GREB1: variants seen among roughly 807,000 people sequenced by gnomAD.
GREB1 encodes the protein protein GREB1.
In GREB1, 106 loss-of-function variants were observed where a neutral mutation model predicts 200.7. The observed-to-expected ratio is 0.53, with a 90% CI of 0.45 to 0.62. The LOEUF is 0.62. GREB1 is among the 20% of genes least tolerant of loss of function. The pLI, the probability that GREB1 is intolerant of heterozygous loss-of-function variation, is 0.00. For synonymous variants in GREB1, 1,132 were observed against 1,092.4 expected (o/e 1.04, Z -0.72); for missense variants, 2,243 against 2,556.8 (o/e 0.88, Z 2.65).
intron 18 of GREB1, chr2:11,612,293 C>T (rs1683007279): frequency 7.8e-7 from 1 of 1,287,138 alleles, no homozygotes. Context: ...CTCTGGCTGG[C>T]TAATCTCCAT....
chr2:11,557,808 T>A (rs1676584078), intron 2 of GREB1, among the ~76,000 whole-genome samples: 1 of 152,200 alleles, frequency 6.6e-6, no homozygotes, highest in Admixed American at 6.5e-5. Flanking sequence ...AAACCATGCA[T>A]TAGGAAAACC....
At position 11,583,557 on chromosome 2, in the gene GREB1, G is replaced by A. The variant is rs189475386; in HGVS notation, c.902-1604G>A. 9.2e-4 allele frequency among the ~76,000 whole-genome samples: 140 copies of A among 152,140 alleles called. 1 individual carries two copies. Among genetic ancestry groups the A allele is most frequent in the South Asian group, 3.5e-3 (17 of 4,818 alleles). ...AAAGCAATGATTCTCACCCTGCAGC[G>A]TGCTTAAAAATTACCAGGCTGGTCG... On this transcript the variant is annotated intron_variant, in intron 7 of 32. Transcript: ENST00000381486.
At chr2:11,617,987 C>T (rs1207484712) in intron 21 of GREB1, among the ~76,000 whole-genome samples, 2 of 150,734 alleles carry the variant, frequency 1.3e-5, no homozygotes, top group Non-Finnish European at 3.0e-5. Flanking sequence ...TGAAAGAAGC[C>T]CTGCCTCATA....
At chr2:11,602,608 T>G in intron 17 of GREB1, 66 bp downstream of exon 17, 1 of 1,433,664 alleles carries the variant, frequency 7.0e-7, no homozygotes, top group Non-Finnish European at 9.8e-7. Context: ...GAGGTGCGTT[T>G]AGCCAGCCAG....
intron 5 of GREB1, among the ~76,000 whole-genome samples, chr2:11,577,803 C>T (rs1295737179): frequency 2.0e-5 from 3 of 152,212 alleles, no homozygotes; most frequent in Admixed American, 6.5e-5. Flanking sequence ...GCCCCTACTA[C>T]TTGCCAGTCA....
rs1403229824 is a variant in GREB1 at position 11,557,478 on chromosome 2, A to AT, written c.157+709dup. On this transcript the variant is annotated intron_variant, in intron 2 of 32. Transcript: ENST00000381486. ...AAAGGGGCTATACTTTAAAACAAAAATTAATAAACTAGAATTAACGAAGAA... is the reference window on the plus strand; with the variant it reads ...AAAGGGGCTATACTTTAAAACAAAAATTTAATAAACTAGAATTAACGAAGAA... Among the ~76,000 whole-genome samples, 11 of 152,372 alleles carry AT rather than the reference A, an allele frequency of 7.2e-5. No homozygotes were observed. The South Asian group carries it at 1.0e-3, about 14-fold the overall frequency.
rs370234359 is a variant in GREB1 at position 11,553,009 on chromosome 2, CAA to C, written c.-161-3429_-161-3428del. Among the ~76,000 whole-genome samples the C allele has an allele frequency of 5.4e-4, 44 of 80,894 alleles. 2 individuals carry two copies. The South Asian group carries it at 0.013, about 23-fold the overall frequency. The allele number at this position is 80,894 out of a possible 152,430, so 53.1% of individuals were successfully genotyped here. A position where few individuals can be genotyped will look rare whatever the true frequency, so the allele number is the denominator to read the frequency against. ...TGGGCGACAGAGCGAAACTCCGTCT[CAA>C]AAAAAAAAAAAAAAAGAGCCGCAGA... On this transcript the variant is annotated intron_variant, in intron 1 of 32. Coordinates refer to ENST00000381486, the MANE Select transcript of GREB1 (RefSeq NM_014668.4).
At chr2:11,563,459 C>A (rs534577458) in intron 3 of GREB1, among the ~76,000 whole-genome samples, 1 of 152,350 alleles carries the variant, frequency 6.6e-6, no homozygotes, top group South Asian at 2.1e-4. Context: ...TTGGTGTACA[C>A]CCCTGACTCT....
chr2:11,517,743 C>T (rs1213504705), intron 1 of GREB1, among the ~76,000 whole-genome samples: 2 of 152,184 alleles, frequency 1.3e-5, no homozygotes, highest in Non-Finnish European at 2.9e-5. Context: ...GCTCCGCCTC[C>T]CGGGTTCATG....
intron 1 of GREB1, among the ~76,000 whole-genome samples, chr2:11,522,623 G>A (rs534017285): frequency 6.6e-6 from 1 of 152,236 alleles, no homozygotes; most frequent in Non-Finnish European, 1.5e-5. Context: ...TGGCAGGTGT[G>A]GTTCAACTCC....
In GREB1 at chr2:11,633,337, T is replaced by A. The variant is rs1288153943; in HGVS notation, c.4991+274T>A. ...CAGCACTTTGGGAGGCTGAGGTGGG[T>A]GGATCACGAGGTCAGGAGATCGAGA... On this transcript the variant is annotated intron_variant, in intron 28 of 32. Transcript: ENST00000381486. This position sits in a 1 kb window ranked among gnomAD's most constrained non-coding sequence, Gnocchi z 4.1. Among the ~76,000 whole-genome samples the A allele has an allele frequency of 6.6e-6, 1 of 151,762 alleles. No individual in the cohort carries two copies. The highest frequency in any genetic ancestry group is 1.5e-5 in the Non-Finnish European group (1 of 67,932).
intron 9 of GREB1, 29 bp from the exon 10 acceptor site, chr2:11,588,717 G>C (rs772280656): frequency 6.2e-7 from 1 of 1,605,970 alleles, no homozygotes; most frequent in Non-Finnish European, 8.5e-7. Context: ...CACAAGACTG[G>C]GTGCCAAGTC....
At chr2:11,611,505 C>T (rs1185986161) in intron 18 of GREB1, among the ~76,000 whole-genome samples, 1 of 152,104 alleles carries the variant, frequency 6.6e-6, no homozygotes, top group Non-Finnish European at 1.5e-5. Flanking sequence ...AAATTTTCTC[C>T]ATGTTGCCCC....
chr2:11,591,541 A>T, intron 10 of GREB1: 1 of 695,340 alleles, frequency 1.4e-6, no homozygotes, highest in South Asian at 1.6e-5. Context: ...TTCTGAATTA[A>T]TAACCCAAAT....
chr2:11,611,132 G>A (rs1245751730), intron 18 of GREB1, 105 bp downstream of exon 18: 4 of 1,003,228 alleles, frequency 4.0e-6, no homozygotes, highest in South Asian at 3.4e-5. Flanking sequence ...CGTGGCCAAC[G>A]TGGCTTCCCT....
intron 1 of GREB1, among the ~76,000 whole-genome samples, chr2:11,491,839 A>G (rs1192847447): frequency 1.3e-5 from 2 of 152,066 alleles, no homozygotes; most frequent in Non-Finnish European, 2.9e-5. Flanking sequence ...GCTCATTGAC[A>G]TATTTGGATG....
At position 11,548,592 on chromosome 2, in the gene GREB1, C is replaced by T. The variant is rs1675518193; in HGVS notation, c.-161-7862C>T. On this transcript the variant is annotated intron_variant, in intron 1 of 32. Transcript: ENST00000381486. This position sits in a 1 kb window ranked among gnomAD's most constrained non-coding sequence, Gnocchi z 5.1. The stretch of plus-strand genomic sequence containing the variant: ...GTAAACTCCTTTCAATATTATTGAA[C>T]ACATCAGATAATTAAATCTGTTGCC... Among the ~76,000 whole-genome samples the T allele has an allele frequency of 6.6e-6, 1 of 152,082 alleles. No homozygotes were observed. Among genetic ancestry groups the T allele is most frequent in the African/African-American group, 2.4e-5 (1 of 41,402 alleles).
chr2:11,632,335 C>CTTTTTTTTTTTTTTTTTT (rs567209224), intron 27 of GREB1, among the ~76,000 whole-genome samples: 1 of 112,184 alleles, frequency 8.9e-6, no homozygotes, highest in Non-Finnish European at 1.8e-5. Context: ...TTCTTTCTCT[C>CTTTTTTTTTTTTTTTTTT]TTTTTTTTTT....
rs1309994774 is a variant in GREB1 at position 11,493,048 on chromosome 2, T to C, written c.-159+10667T>C. Among the ~76,000 whole-genome samples the C allele has an allele frequency of 6.6e-6, 1 of 152,182 alleles. No homozygotes were observed. The highest frequency in any genetic ancestry group is 1.5e-5 in the Non-Finnish European group (1 of 68,046). On this transcript the variant is annotated intron_variant, in intron 1 of 2. Transcript: ENST00000628795. This position sits in a 1 kb window ranked among gnomAD's most constrained non-coding sequence, Gnocchi z 4.6. Reference sequence around the variant, plus strand: ...GGCAGCTGCTGGCCTTGAGCAATTGTCCCAAGATGATTGATCGTACAAACC... The same window carrying C: ...GGCAGCTGCTGGCCTTGAGCAATTGCCCCAAGATGATTGATCGTACAAACC...
Sources: allele counts gnomAD v4.1 joint callset (sites outside exome capture counted in the v4.1 genomes callset), GRCh38; gene constraint gnomAD v4.1.1; non-coding constraint Gnocchi (gnomAD v3.1); transcripts MANE v1.5; gene names NCBI Gene and HGNC (gene_info 2026-07-23, HGNC 2026-07-21).